SPATA16: variants seen among roughly 807,000 people sequenced by gnomAD.
The protein encoded by SPATA16 is spermatogenesis-associated protein 16.
SPATA16 carries 36 observed loss-of-function variants against 63.3 expected under a neutral mutation model. That is an observed-to-expected ratio of 0.57 (90% CI 0.44 to 0.75). SPATA16 has a LOEUF of 0.75. Ranked by LOEUF, SPATA16 falls within the 30% of genes least tolerant of loss-of-function variation. SPATA16 has a pLI of 0.00. For synonymous variants in SPATA16, 203 were observed against 216.7 expected, an observed-to-expected ratio of 0.94 and a Z score of 0.56; for missense variants, 646 against 679.3, an observed-to-expected ratio of 0.95 and a Z score of 0.54.
chr3:173,047,148 T>A (rs1005293723), intron 3 of SPATA16, among the ~76,000 whole-genome samples: 14 of 151,868 alleles, frequency 9.2e-5, no homozygotes, highest in African/African-American at 3.4e-4. Context: ...AATTGCAGCA[T>A]CTTGTGGTTC....
At chr3:172,978,762 G>A (rs763690988) in intron 4 of SPATA16, among the ~76,000 whole-genome samples, 8 of 152,190 alleles carry the variant, frequency 5.3e-5, no homozygotes, top group Non-Finnish European at 8.8e-5. Context: ...GGGCCATGTG[G>A]TTTAACAACT....
At chr3:172,982,902 A>G (rs550055327) in intron 4 of SPATA16, among the ~76,000 whole-genome samples, 3 of 152,192 alleles carry the variant, frequency 2.0e-5, no homozygotes, top group Admixed American at 1.3e-4. Flanking sequence ...GTGTGGCCAC[A>G]TGGTGGTGTA....
At chr3:173,012,066 C>A (rs1735085866) in intron 4 of SPATA16, among the ~76,000 whole-genome samples, 2 of 152,142 alleles carry the variant, frequency 1.3e-5, no homozygotes, top group Non-Finnish European at 2.9e-5. Context: ...CTTGAGTGAT[C>A]CTCCCATTTC....
intron 4 of SPATA16, among the ~76,000 whole-genome samples, chr3:173,018,100 C>T (rs1735233789): frequency 6.6e-6 from 1 of 152,114 alleles, no homozygotes; most frequent in Admixed American, 6.5e-5. Context: ...CTTTTAAAAA[C>T]TGTTCAAAGT....
At chr3:172,906,064 T>G (rs1186663382) in intron 10 of SPATA16, among the ~76,000 whole-genome samples, 1 of 152,254 alleles carries the variant, frequency 6.6e-6, no homozygotes, top group Admixed American at 6.5e-5. Context: ...CTTTTTCTTC[T>G]TAGTTGCAGA....
chr3:173,018,658 C>T (rs1324260281), intron 4 of SPATA16, among the ~76,000 whole-genome samples: 1 of 152,140 alleles, frequency 6.6e-6, no homozygotes, highest in Non-Finnish European at 1.5e-5. Flanking sequence ...ACAGTAGTCA[C>T]CTGCAACCTA....
intron 3 of SPATA16, among the ~76,000 whole-genome samples, chr3:173,030,720 C>T (rs891036832): frequency 2.6e-5 from 4 of 152,024 alleles, no homozygotes; most frequent in East Asian, 1.9e-4. Context: ...AGCAATTCCA[C>T]TCCTGTGTAT....
chr3:173,047,245 T>C (rs1221640014), intron 3 of SPATA16, among the ~76,000 whole-genome samples: 2 of 151,808 alleles, frequency 1.3e-5, no homozygotes, highest in Non-Finnish European at 2.9e-5. Context: ...CAGAGACTGT[T>C]ACTTATTTTT....
chr3:172,979,073 T>TA (rs554901617), intron 4 of SPATA16, among the ~76,000 whole-genome samples: 179 of 152,092 alleles, frequency 1.2e-3, no homozygotes, highest in Admixed American at 9.9e-3. Flanking sequence ...CCATCTCTAC[T>TA]AAAAATACAA....
intron 10 of SPATA16, among the ~76,000 whole-genome samples, chr3:172,910,769 C>A (rs977680852): frequency 6.6e-6 from 1 of 152,136 alleles, no homozygotes; most frequent in African/African-American, 2.4e-5. Context: ...TCTCTCCTTA[C>A]TCTATTATAC....
At chr3:173,035,586 T>C (rs1050478357) in intron 3 of SPATA16, among the ~76,000 whole-genome samples, 79 of 152,072 alleles carry the variant, frequency 5.2e-4, no homozygotes, top group African/African-American at 1.8e-3. Context: ...AAGAAACTAC[T>C]AATGCTTCAG....
intron 3 of SPATA16, among the ~76,000 whole-genome samples, chr3:173,022,673 A>G (rs1735360313): frequency 6.6e-6 from 1 of 151,948 alleles, no homozygotes; most frequent in Non-Finnish European, 1.5e-5. Flanking sequence ...ATCATTTGTC[A>G]TTTGATGCCA....
At chr3:172,924,444 G>T in intron 7 of SPATA16, 127 bp from the exon 8 acceptor site, 1 of 715,262 alleles carries the variant, frequency 1.4e-6, no homozygotes, top group Non-Finnish European at 2.4e-6. Flanking sequence ...ATAGAAACTA[G>T]TCCCATCCCT....
intron 3 of SPATA16, among the ~76,000 whole-genome samples, chr3:173,026,251 G>A (rs1735451571): frequency 1.3e-5 from 2 of 151,824 alleles, no homozygotes; most frequent in Admixed American, 1.3e-4. Flanking sequence ...TGAAGTTCTT[G>A]TTAATCTTTT....
intron 2 of SPATA16, among the ~76,000 whole-genome samples, chr3:173,102,280 T>C (rs1289286679): frequency 6.6e-6 from 1 of 152,256 alleles, no homozygotes; most frequent in East Asian, 1.9e-4. Flanking sequence ...ATCTCAATGG[T>C]ACAGGTTCTT....
Position 172,889,480 on chromosome 3 carries a change from T to G in SPATA16, c.*90A>C, listed in dbSNP as rs1251670565. On this transcript the variant is annotated 3_prime_UTR_variant, in exon 11 of 11. Coordinates refer to ENST00000351008, the MANE Select transcript of SPATA16 (RefSeq NM_031955.6). ...TTCTTTTGGTGACAAGCTTTTGTTATCCAGCTTCACAGTACTAGGTGGGCA... is the reference window on the plus strand; with the variant it reads ...TTCTTTTGGTGACAAGCTTTTGTTAGCCAGCTTCACAGTACTAGGTGGGCA... The G allele has an allele frequency of 3.2e-6, 5 of 1,584,878 alleles. No individual in the cohort carries two copies. The highest frequency in any genetic ancestry group is 4.3e-6 in the Non-Finnish European group (5 of 1,158,898).
chr3:172,897,656 A>AT (rs1434554406), intron 10 of SPATA16, among the ~76,000 whole-genome samples: 2 of 151,982 alleles, frequency 1.3e-5, no homozygotes, highest in African/African-American at 4.8e-5. Flanking sequence ...TGCTGAACTC[A>AT]TTTTTTTGGG....
chr3:173,070,100 G>A, intron 2 of SPATA16, among the ~76,000 whole-genome samples: 1 of 151,956 alleles, frequency 6.6e-6, no homozygotes, highest in East Asian at 1.9e-4. Context: ...ACATGACAAA[G>A]TTACCCACTT....
chr3:173,032,889 G>C (rs1394921150), intron 3 of SPATA16, among the ~76,000 whole-genome samples: 1 of 152,080 alleles, frequency 6.6e-6, no homozygotes, highest in Non-Finnish European at 1.5e-5. Flanking sequence ...ACAGAATAAA[G>C]CAATGTTAAT....
Sources: allele counts gnomAD v4.1 joint callset (sites outside exome capture counted in the v4.1 genomes callset), GRCh38; gene constraint gnomAD v4.1.1; transcripts MANE v1.5; gene names NCBI Gene and HGNC (gene_info 2026-07-23, HGNC 2026-07-21).